Variants in TMEM244 observed in about 807,000 individuals in gnomAD.
TMEM244 encodes putative transmembrane protein 244.
A neutral mutation model predicts 15.8 loss-of-function variants in TMEM244; 13 were observed. The ratio of observed to expected loss-of-function variants is 0.82; its 90% CI spans 0.53 to 1.30. The LOEUF (loss-of-function observed/expected upper bound fraction) is 1.30. TMEM244 is among the 50% of genes most tolerant of loss of function. TMEM244 has a pLI of 0.00. For missense variants in TMEM244, 161 were observed against 144.9 expected (o/e 1.11, Z -0.57); for synonymous variants, 45 against 48.7 (o/e 0.92, Z 0.32).
intron 1 of TMEM244, among the ~76,000 whole-genome samples, chr6:129,847,351 T>C (rs1447337221): frequency 6.6e-6 from 1 of 152,138 alleles, no homozygotes; most frequent in African/African-American, 2.4e-5. Context: ...TCCAACACCT[T>C]AGGATTATTA....
At chr6:129,844,740 C>T (rs1036552043) in intron 2 of TMEM244, among the ~76,000 whole-genome samples, 2 of 152,214 alleles carry the variant, frequency 1.3e-5, no homozygotes, top group Non-Finnish European at 2.9e-5. Context: ...TCTCCAGTCC[C>T]AGGGAGGAGG....
At chr6:129,836,740 T>C (rs1330834804) in intron 3 of TMEM244, among the ~76,000 whole-genome samples, 1 of 152,178 alleles carries the variant, frequency 6.6e-6, no homozygotes. Flanking sequence ...AATGACCTGA[T>C]GGAGCTGAAA....
chr6:129,840,355 G>T (rs1422200187), intron 3 of TMEM244, among the ~76,000 whole-genome samples: 1 of 152,072 alleles, frequency 6.6e-6, no homozygotes, highest in African/African-American at 2.4e-5. Flanking sequence ...AATAAATGGT[G>T]CTGGGAAAAC....
At chr6:129,842,723 T>C (rs1463881987) in intron 3 of TMEM244, among the ~76,000 whole-genome samples, 1 of 151,894 alleles carries the variant, frequency 6.6e-6, no homozygotes, top group Non-Finnish European at 1.5e-5. Context: ...TTCTCCTTTC[T>C]GCTTGTAGAT....
chr6:129,848,064 C>G (rs1458678305), intron 1 of TMEM244, among the ~76,000 whole-genome samples: 1 of 152,014 alleles, frequency 6.6e-6, no homozygotes, highest in African/African-American at 2.4e-5. Flanking sequence ...ATGAGCCACT[C>G]CGCACCTGGC....
intron 1 of TMEM244, among the ~76,000 whole-genome samples, chr6:129,854,100 T>C (rs1370408326): frequency 6.6e-6 from 1 of 152,234 alleles, no homozygotes. Context: ...CTACTTTTTC[T>C]ATGCTACTTA....
chr6:129,845,008 G>A (rs542065861), intron 2 of TMEM244, among the ~76,000 whole-genome samples: 1 of 152,168 alleles, frequency 6.6e-6, no homozygotes, highest in East Asian at 1.9e-4. Context: ...AAAATCTGTA[G>A]AGACAAAATT....
At chr6:129,832,394 G>A (rs1227484239) in intron 4 of TMEM244, among the ~76,000 whole-genome samples, 1 of 152,134 alleles carries the variant, frequency 6.6e-6, no homozygotes, top group Non-Finnish European at 1.5e-5. Context: ...CACGGCACCT[G>A]GCGGAGACAG....
At chr6:129,853,630 C>T in intron 1 of TMEM244, among the ~76,000 whole-genome samples, 1 of 152,062 alleles carries the variant, frequency 6.6e-6, no homozygotes, top group South Asian at 2.1e-4. Flanking sequence ...TATTTTGATA[C>T]CAGCCTTCCT....
chr6:129,859,276 T>A lies in TMEM244; in HGVS notation c.33+1880A>T, dbSNP rs537049376. 2.6e-4 allele frequency among the ~76,000 whole-genome samples: 40 copies of A among 152,364 alleles called. 2 individuals are homozygous for A. In the South Asian group the frequency reaches 8.1e-3, roughly 31 times the overall value. ...TGAACATGTATACAATTCTTAACAT[T>A]AAGTACTGTATGTTCCCAATAGATA... On this transcript the variant is annotated intron_variant, in intron 1 of 4. Transcript: ENST00000368143.
intron 1 of TMEM244, among the ~76,000 whole-genome samples, chr6:129,854,820 T>C (rs1776683192): frequency 6.6e-6 from 1 of 152,192 alleles, no homozygotes; most frequent in Non-Finnish European, 1.5e-5. Context: ...GGAGCATCCA[T>C]AATTGCTAAA....
intron 3 of TMEM244, among the ~76,000 whole-genome samples, chr6:129,841,416 G>A (rs1048498285): frequency 1.4e-5 from 2 of 147,912 alleles, no homozygotes; most frequent in Admixed American, 6.7e-5. Context: ...CACTGGGTCC[G>A]GTCGGGGGGT....
chr6:129,843,393 T>C (rs1294268782), intron 3 of TMEM244, 137 bp downstream of exon 3: 1 of 497,804 alleles, frequency 2.0e-6, no homozygotes, highest in Non-Finnish European at 3.5e-6. Flanking sequence ...CTTTTCCTAA[T>C]TAATTTTTGA....
At chr6:129,842,117 T>C (rs1776498924) in intron 3 of TMEM244, among the ~76,000 whole-genome samples, 1 of 152,150 alleles carries the variant, frequency 6.6e-6, no homozygotes, top group South Asian at 2.1e-4. Context: ...TCATCACTAA[T>C]CTCTGCTATG....
intron 1 of TMEM244, 25 bp downstream of exon 1, chr6:129,861,131 A>G (rs1776802427): frequency 6.2e-7 from 1 of 1,613,444 alleles, no homozygotes; most frequent in South Asian, 1.1e-5. Context: ...CTGAAAGGCA[A>G]TGCAAAGAAG....
chr6:129,849,811 G>C (rs1055324904), intron 1 of TMEM244, among the ~76,000 whole-genome samples: 4 of 152,098 alleles, frequency 2.6e-5, no homozygotes, highest in Admixed American at 2.0e-4. Context: ...GTATTATTGA[G>C]GAGGGTACAG....
chr6:129,839,632 T>C (rs1776459652), intron 3 of TMEM244, among the ~76,000 whole-genome samples: 1 of 152,110 alleles, frequency 6.6e-6, no homozygotes, highest in South Asian at 2.1e-4. Flanking sequence ...AAAGAGGAAG[T>C]CAAATTATCT....
chr6:129,857,419 G>C (rs148505749), intron 1 of TMEM244, among the ~76,000 whole-genome samples: 26 of 151,814 alleles, frequency 1.7e-4, no homozygotes, highest in African/African-American at 5.8e-4. Flanking sequence ...GCAATGGTGA[G>C]ATCTCAGCTC....
Position 129,835,612 on chromosome 6 carries a change from C to T in TMEM244, c.194-2027G>A, listed in dbSNP as rs554178501. On this transcript the variant is annotated intron_variant, in intron 3 of 4. Coordinates refer to ENST00000368143, the MANE Select transcript of TMEM244 (RefSeq NM_001010876.2). ...AAGCAGGGCAGGGTGTTGCCTCACC[C>T]GGGAAGCACAAGGGGTGGGGCGATT... Among the ~76,000 whole-genome samples, 316 of 152,180 alleles carry T rather than the reference C, an allele frequency of 2.1e-3. 1 individual carries two copies. The highest frequency in any genetic ancestry group is 7.1e-3 in the African/African-American group (295 of 41,510).
Sources: gnomAD v4.1 joint callset for allele counts (sites outside exome capture counted in the v4.1 genomes callset) on GRCh38, gnomAD v4.1.1 for gene constraint, MANE v1.5 for transcripts, NCBI Gene and HGNC (gene_info 2026-07-23, HGNC 2026-07-21) for gene names.